Variants in DAB1 observed in about 807,000 individuals in gnomAD.
DAB1 encodes the protein disabled homolog 1.
DAB1 carries 15 observed loss-of-function variants against 64.6 expected under a neutral mutation model. The observed-to-expected ratio is 0.23, with a 90% CI of 0.16 to 0.36. The LOEUF is 0.36. Ranked by LOEUF, DAB1 falls within the 10% of genes least tolerant of loss-of-function variation. DAB1 has a pLI of 1.00. For synonymous variants in DAB1, 235 were observed against 251.9 expected (o/e 0.93, Z 0.64); for missense variants, 596 against 706.7 (o/e 0.84, Z 1.78).
At chr1:57,053,688 A>ATATATATATATATATATTTTTT (rs1447741565) in intron 9 of DAB1, among the ~76,000 whole-genome samples, 2 of 71,422 alleles carry the variant, frequency 2.8e-5, no homozygotes, top group African/African-American at 1.1e-4. Flanking sequence ...ATATATATAT[A>ATATATATATATATATATTTTTT]TTTTTTTTTT....
chr1:57,666,801 C>T (rs1262528902), intron 6 of DAB1, among the ~76,000 whole-genome samples: 1 of 151,566 alleles, frequency 6.6e-6, no homozygotes, highest in African/African-American at 2.4e-5. Flanking sequence ...TTATCATTCT[C>T]CTTCAGCATA....
At chr1:57,253,954 T>C (rs889044948) in intron 2 of DAB1, among the ~76,000 whole-genome samples, 4 of 152,230 alleles carry the variant, frequency 2.6e-5, no homozygotes, top group African/African-American at 9.6e-5. Context: ...GCCTTTATCA[T>C]TTCCTGATCT....
intron 5 of DAB1, among the ~76,000 whole-genome samples, chr1:57,991,274 C>T (rs911837363): frequency 2.0e-5 from 3 of 152,188 alleles, no homozygotes; most frequent in Admixed American, 1.3e-4. Context: ...AAAATACTGA[C>T]AATCAGTAAC....
At chr1:57,645,640 TTTTG>T (rs1313906888) in intron 7 of DAB1, among the ~76,000 whole-genome samples, 2 of 152,208 alleles carry the variant, frequency 1.3e-5, no homozygotes, top group African/African-American at 4.8e-5. Context: ...ACATGCATTA[TTTTG>T]TTTAAGTCTT....
chr1:58,001,006 T>C (rs1646499134), intron 5 of DAB1, among the ~76,000 whole-genome samples: 1 of 152,056 alleles, frequency 6.6e-6, no homozygotes, highest in Non-Finnish European at 1.5e-5. Context: ...CTTTCTTCTC[T>C]CTTAACTTCT....
intron 6 of DAB1, among the ~76,000 whole-genome samples, chr1:57,661,197 T>C (rs772767768): frequency 6.6e-6 from 1 of 152,078 alleles, no homozygotes; most frequent in African/African-American, 2.4e-5. Context: ...CTAGAGAAGA[T>C]TGAGTTCTAA....
Position 57,691,438 on chromosome 1 carries a change from T to C in DAB1, n.552-41773A>G, listed in dbSNP as rs570251418. On this transcript the variant is annotated intron_variant and non_coding_transcript_variant, in intron 6 of 20. Coordinates refer to the DAB1 transcript ENST00000485760. ...TAGGGCCAAATAAGGGAATAAAAGC[T>C]GGCCACCCGAGACAGCAGCGGCAAC... Among the ~76,000 whole-genome samples, 7 of 152,298 alleles carry C rather than the reference T, an allele frequency of 4.6e-5. No homozygotes were observed. In the East Asian group the frequency reaches 1.2e-3, roughly 25 times the overall value.
intron 6 of DAB1, among the ~76,000 whole-genome samples, chr1:57,817,548 C>T (rs1443362813): frequency 6.6e-6 from 1 of 152,156 alleles, no homozygotes; most frequent in South Asian, 2.1e-4. Flanking sequence ...CAACGTTGAA[C>T]GAGCAGGTCA....
intron 5 of DAB1, among the ~76,000 whole-genome samples, chr1:57,985,027 C>A (rs562748709): frequency 6.6e-6 from 1 of 152,100 alleles, no homozygotes; most frequent in South Asian, 2.1e-4. Flanking sequence ...TCCTGCCTCA[C>A]CTCTCAAGTA....
chr1:58,299,076 C>T (rs981645374), intron 4 of DAB1, among the ~76,000 whole-genome samples: 6 of 152,146 alleles, frequency 3.9e-5, no homozygotes, highest in African/African-American at 1.4e-4. Context: ...CAGTCATTCA[C>T]AGATCCTGGG....
At chr1:58,429,460 C>T (rs139142229) in intron 3 of DAB1, among the ~76,000 whole-genome samples, 40 of 152,238 alleles carry the variant, frequency 2.6e-4, no homozygotes, top group South Asian at 1.5e-3. Flanking sequence ...AGTGGGAGGA[C>T]GATCACAGTG....
intron 4 of DAB1, among the ~76,000 whole-genome samples, chr1:58,171,895 G>T (rs2100767673): frequency 6.6e-6 from 1 of 152,342 alleles, no homozygotes; most frequent in Non-Finnish European, 1.5e-5. Flanking sequence ...TTTGCCTACA[G>T]CAGGTCAAAT....
At chr1:57,427,986 G>GGTGAAAC (rs1685353399), upstream of DAB1, among the ~76,000 whole-genome samples, 1 of 152,086 alleles carries the variant, frequency 6.6e-6, no homozygotes, top group Non-Finnish European at 1.5e-5. Flanking sequence ...TGACCAACAT[G>GGTGAAAC]GTGAAACCCC....
chr1:58,179,663 G>T (rs568469460), intron 4 of DAB1, among the ~76,000 whole-genome samples: 3 of 151,914 alleles, frequency 2.0e-5, no homozygotes, highest in Admixed American at 6.6e-5. Context: ...TTTCTGTAAG[G>T]TGGTTAGTAA....
rs374818657 is a variant in DAB1 at position 57,537,362 on chromosome 1, C to T, written n.625+112230G>A. Among the ~76,000 whole-genome samples the T allele has an allele frequency of 1.4e-3, 213 of 152,244 alleles. 1 individual carries two copies. The highest frequency in any genetic ancestry group is 4.6e-3 in the African/African-American group (190 of 41,550). ...TATGAGGCTTCAGAGTCTATTTTTG[C>T]GATGCTCTTCAGGTTATCCAACGGC... On this transcript the variant is annotated intron_variant and non_coding_transcript_variant, in intron 7 of 20. Coordinates refer to the DAB1 transcript ENST00000485760.
At chr1:58,014,391 G>A (rs1328791093) in intron 5 of DAB1, among the ~76,000 whole-genome samples, 2 of 152,178 alleles carry the variant, frequency 1.3e-5, no homozygotes, top group African/African-American at 4.8e-5. Flanking sequence ...CAGATGCTGT[G>A]GATATTAATC....
intron 2 of DAB1, among the ~76,000 whole-genome samples, chr1:57,172,421 C>CAGTA (rs1293169867): frequency 2.0e-5 from 3 of 152,126 alleles, no homozygotes; most frequent in Non-Finnish European, 4.4e-5. Flanking sequence ...AGTGGAAGCT[C>CAGTA]AGTAAGGTGA....
chr1:57,415,016 G>A (rs1279135672), intron 1 of DAB1, among the ~76,000 whole-genome samples: 3 of 152,088 alleles, frequency 2.0e-5, no homozygotes, highest in African/African-American at 4.8e-5. Context: ...ATTATAAAAT[G>A]TATACGGAAG....
At chr1:57,331,968 T>C (rs1488621109) in intron 1 of DAB1, among the ~76,000 whole-genome samples, 1 of 152,148 alleles carries the variant, frequency 6.6e-6, no homozygotes, top group Non-Finnish European at 1.5e-5. Flanking sequence ...GTTTGCTTGT[T>C]TGTTTGTTTT....
Sources: allele counts gnomAD v4.1 joint callset (sites outside exome capture counted in the v4.1 genomes callset), GRCh38; gene constraint gnomAD v4.1.1; transcripts MANE v1.5; gene names NCBI Gene and HGNC (gene_info 2026-07-23, HGNC 2026-07-21).